The following SEM1 variants were observed in gnomAD, a reference collection of about 807,000 sequenced individuals.
The protein encoded by SEM1 is 26S proteasome complex subunit SEM1.
Under a neutral mutation model 12.7 loss-of-function variants are expected in SEM1, and 3 were observed. The ratio of observed to expected loss-of-function variants is 0.24; its 90% confidence interval spans 0.11 to 0.61. The LOEUF (loss-of-function observed/expected upper bound fraction) is 0.61, where lower values mean the gene tolerates loss of function less well. Among genes scored for constraint, SEM1 ranks in the 20% least tolerant of loss-of-function variants. The probability of loss-of-function intolerance (pLI) is 0.88; values close to 1 mark genes in which losing one functional copy is unlikely to be tolerated. For synonymous variants in SEM1, 30 were observed against 27.8 expected (o/e 1.08, Z -0.25); for missense variants, 59 against 81.3 (o/e 0.73, Z 1.06).
At chr7:96,568,342 C>T (rs1460968750) in intron 2 of SEM1, among the ~76,000 whole-genome samples, 3 of 151,734 alleles carry the variant, frequency 2.0e-5, no homozygotes, top group Admixed American at 6.6e-5. Context: ...TAAATATTTT[C>T]GCTTTCTCCA....
intron 2 of SEM1, among the ~76,000 whole-genome samples, chr7:96,658,134 G>A (rs564862281): frequency 1.3e-5 from 2 of 152,230 alleles, no homozygotes; most frequent in South Asian, 2.1e-4. Flanking sequence ...AATCCCAAGT[G>A]AAATTAGAGG....
intron 1 of SEM1, among the ~76,000 whole-genome samples, chr7:96,493,995 C>G (rs1376909937): frequency 6.6e-6 from 1 of 152,114 alleles, no homozygotes; most frequent in Non-Finnish European, 1.5e-5. Context: ...TCCTAAGATT[C>G]TGGACAGATA....
At chr7:96,582,939 A>AT (rs1023021944) in intron 2 of SEM1, among the ~76,000 whole-genome samples, 8 of 152,084 alleles carry the variant, frequency 5.3e-5, no homozygotes, top group African/African-American at 1.9e-4. Flanking sequence ...GGATTCATTA[A>AT]TTTTTTGAAG....
intron 2 of SEM1, among the ~76,000 whole-genome samples, chr7:96,643,779 G>A (rs1771099961): frequency 6.6e-6 from 1 of 152,066 alleles, no homozygotes; most frequent in South Asian, 2.1e-4. Context: ...CACAGGGAGA[G>A]GAACATCACA....
intron 2 of SEM1, among the ~76,000 whole-genome samples, chr7:96,542,078 C>A (rs938483914): frequency 1.4e-5 from 2 of 147,862 alleles, no homozygotes; most frequent in Non-Finnish European, 3.0e-5. Flanking sequence ...CATTTGGGCT[C>A]TTTTTTTGGG....
chr7:96,502,726 G>A (rs1014682697), intron 3 of SEM1, among the ~76,000 whole-genome samples: 4 of 152,126 alleles, frequency 2.6e-5, no homozygotes, highest in Non-Finnish European at 4.4e-5. Flanking sequence ...TCTAGCCAAC[G>A]ATTTCATGCT....
chr7:96,562,673 A>G (rs1162626921), intron 2 of SEM1, among the ~76,000 whole-genome samples: 1 of 152,150 alleles, frequency 6.6e-6, no homozygotes, highest in Non-Finnish European at 1.5e-5. Context: ...ACAAGTGGAT[A>G]GGAAAACTGG....
At chr7:96,681,189 T>C (rs1309651683) in intron 2 of SEM1, among the ~76,000 whole-genome samples, 1 of 152,128 alleles carries the variant, frequency 6.6e-6, no homozygotes. Flanking sequence ...GTCAATAAGA[T>C]TGGCAGGAGC....
At position 96,655,240 on chromosome 7, in the gene SEM1, A is replaced by G. The variant is rs114663549; in HGVS notation, c.171-32597T>C. The stretch of plus-strand genomic sequence containing the variant: ...ATCTCAGGGTCTGGGCCAGGTAGTG[A>G]AGGAAGCAGAAGTTAGAGGAGTCTT... On this transcript the variant is annotated intron_variant, in intron 2 of 2. Coordinates refer to the SEM1 transcript ENST00000417009. Among the ~76,000 whole-genome samples, 343 of 152,302 alleles carry G rather than the reference A, an allele frequency of 2.3e-3. 5 individuals carry two copies. The highest frequency in any genetic ancestry group is 8.0e-3 in the African/African-American group (331 of 41,570).
chr7:96,577,140 T>C (rs1806233519), intron 2 of SEM1, among the ~76,000 whole-genome samples: 1 of 152,058 alleles, frequency 6.6e-6, no homozygotes, highest in Non-Finnish European at 1.5e-5. Context: ...GGATACAATA[T>C]TTGATCTTTA....
intron 2 of SEM1, among the ~76,000 whole-genome samples, chr7:96,580,141 C>A (rs1355168779): frequency 7.3e-6 from 1 of 136,756 alleles, no homozygotes; most frequent in African/African-American, 2.7e-5. Flanking sequence ...CACAACAGTC[C>A]CCAGAGTGTG....
intron 2 of SEM1, among the ~76,000 whole-genome samples, chr7:96,633,498 G>A (rs1164501603): frequency 3.3e-5 from 5 of 152,002 alleles, no homozygotes; most frequent in Admixed American, 3.3e-4. Context: ...AATATTTAAT[G>A]TCCTATCAGA....
chr7:96,578,371 A>C (rs114414883), intron 2 of SEM1, among the ~76,000 whole-genome samples: 2,477 of 152,208 alleles, frequency 0.016, 76 homozygotes, highest in African/African-American at 0.055. Flanking sequence ...AGGAAAAAAA[A>C]CAAAAACACT....
At chr7:96,514,079 A>G (rs1207738430) in intron 2 of SEM1, among the ~76,000 whole-genome samples, 1 of 152,116 alleles carries the variant, frequency 6.6e-6, no homozygotes, top group Non-Finnish European at 1.5e-5. Flanking sequence ...TACTATTACA[A>G]GCAATGTTGC....
intron 2 of SEM1, among the ~76,000 whole-genome samples, chr7:96,662,009 A>AAAAAAT (rs1554431166): frequency 1.4e-5 from 2 of 140,460 alleles, no homozygotes; most frequent in Non-Finnish European, 3.0e-5. Flanking sequence ...AAAAAAAAAA[A>AAAAAAT]AGTCAGCAAA....
chr7:96,561,816 C>T (rs896966813), intron 2 of SEM1, among the ~76,000 whole-genome samples: 1 of 152,212 alleles, frequency 6.6e-6, no homozygotes, highest in Non-Finnish European at 1.5e-5. Context: ...GGAGAAAGCT[C>T]TGTGGTGGCC....
At chr7:96,542,529 T>G (rs75210293) in intron 2 of SEM1, among the ~76,000 whole-genome samples, 3,039 of 151,932 alleles carry the variant, frequency 0.02, 105 homozygotes, top group African/African-American at 0.069. Context: ...CCTATTATCT[T>G]GATTTTAAAA....
intron 2 of SEM1, among the ~76,000 whole-genome samples, chr7:96,523,882 G>T (rs1563045129): frequency 6.6e-6 from 1 of 152,042 alleles, no homozygotes; most frequent in East Asian, 1.9e-4. Context: ...CTTATCAGAT[G>T]ATGCATCTCA....
chr7:96,518,201 A>G (rs1563042245), intron 2 of SEM1, among the ~76,000 whole-genome samples: 1 of 152,144 alleles, frequency 6.6e-6, no homozygotes, highest in Non-Finnish European at 1.5e-5. Flanking sequence ...TATTGAAGGT[A>G]TAGTGTTGAG....
Sources: gnomAD v4.1 joint callset for allele counts (sites outside exome capture counted in the v4.1 genomes callset) on GRCh38, gnomAD v4.1.1 for gene constraint, MANE v1.5 for transcripts, NCBI Gene and HGNC (gene_info 2026-07-23, HGNC 2026-07-21) for gene names.